The following ARID2 variants were observed in gnomAD, a reference collection of about 807,000 sequenced individuals.
The protein encoded by ARID2 is AT-rich interactive domain-containing protein 2.
In ARID2, 32 loss-of-function variants were observed where a neutral mutation model predicts 184.6. The observed-to-expected ratio is 0.17, with a 90% CI of 0.13 to 0.23. The LOEUF is 0.23. Among genes scored for constraint, ARID2 ranks in the 10% least tolerant of loss-of-function variants. The pLI, the probability that ARID2 is intolerant of heterozygous loss-of-function variation, is 1.00. For synonymous variants in ARID2, 836 were observed against 772.6 expected, an observed-to-expected ratio of 1.08 and a Z score of -1.36; for missense variants, 1,696 against 2,197.6, an observed-to-expected ratio of 0.77 and a Z score of 4.56.
intron 10 of ARID2, among the ~76,000 whole-genome samples, chr12:45,837,929 G>A (rs931012730): frequency 6.6e-6 from 1 of 152,028 alleles, no homozygotes; most frequent in African/African-American, 2.4e-5. Flanking sequence ...ACATTGTCTT[G>A]TTTATTTTTT....
Position 45,849,722 on chromosome 12 carries a change from T to A in ARID2, c.1858T>A (p.Ser620Thr), listed in dbSNP as rs766726060. ...MYYQQQPVST[S>T]VVRVDSVPDV... ...CTATCAGCAGCAACCAGTTTCTACT[T>A]CTGTTGTTCGTGTTGATTCTGTTCC... Residue 620 changes from serine to threonine, a missense_variant, in exon 14 of 21, where the codon TCT (serine) becomes ACT (threonine). Ser to Thr is a moderately conservative substitution (Grantham distance 58). Transcript: ENST00000334344. 25 of 1,613,810 alleles carry A rather than the reference T, an allele frequency of 1.5e-5. No individual in the cohort carries two copies. The highest frequency in any genetic ancestry group is 1.6e-5 in the Non-Finnish European group (19 of 1,179,790).
At chr12:45,812,316 TTACAGGTTATCCTTAGATTTA>T (rs1942724752) in intron 4 of ARID2, among the ~76,000 whole-genome samples, 1 of 152,100 alleles carries the variant, frequency 6.6e-6, no homozygotes. Flanking sequence ...TTCTGTACTC[TTACAGGTTATCCTTAGATTTA>T]TACTGTCTCA....
intron 16 of ARID2, among the ~76,000 whole-genome samples, chr12:45,876,564 A>T (rs1401828255): frequency 7.4e-6 from 1 of 135,366 alleles, no homozygotes; most frequent in African/African-American, 2.7e-5. Context: ...AAAAAGAAAA[A>T]AAAGGAAAAA....
chr12:45,797,132 A>G (rs1052084708), intron 3 of ARID2, among the ~76,000 whole-genome samples: 16 of 152,218 alleles, frequency 1.1e-4, no homozygotes, highest in Non-Finnish European at 1.3e-4. Context: ...AAGTAATTTA[A>G]TATACATACA....
At chr12:45,877,323 T>C (rs1325912580) in intron 16 of ARID2, among the ~76,000 whole-genome samples, 2 of 151,948 alleles carry the variant, frequency 1.3e-5, no homozygotes, top group Admixed American at 6.6e-5. Flanking sequence ...AGTGGCGGCA[T>C]TGGATTCTCA....
At chr12:45,834,588 C>T (rs983340100) in intron 6 of ARID2, among the ~76,000 whole-genome samples, 7 of 152,072 alleles carry the variant, frequency 4.6e-5, no homozygotes, top group African/African-American at 1.7e-4. Flanking sequence ...CCTAAAAGTA[C>T]AAAAATTAGT....
At chr12:45,902,049 TCTTAGAAG>T (rs1484213797) in intron 20 of ARID2, among the ~76,000 whole-genome samples, 1 of 152,242 alleles carries the variant, frequency 6.6e-6, no homozygotes, top group Non-Finnish European at 1.5e-5. Context: ...AAACTTGTTT[TCTTAGAAG>T]CTGATTTGTA....
chr12:45,811,330 T>C (rs1942704146), intron 3 of ARID2, 88 bp from the exon 4 acceptor site: 1 of 1,362,706 alleles, frequency 7.3e-7, no homozygotes, highest in Non-Finnish European at 9.8e-7. Flanking sequence ...GATTATTGTT[T>C]AGAAAAGGAA....
intron 20 of ARID2, among the ~76,000 whole-genome samples, chr12:45,897,932 C>T (rs926024129): frequency 1.1e-4 from 17 of 151,846 alleles, no homozygotes; most frequent in African/African-American, 4.1e-4. Context: ...GCAGTCTTGA[C>T]CTCTCCAGGC....
intron 3 of ARID2, among the ~76,000 whole-genome samples, chr12:45,764,680 C>T (rs1250674442): frequency 6.6e-6 from 1 of 152,180 alleles, no homozygotes; most frequent in Non-Finnish European, 1.5e-5. Flanking sequence ...TACATAGTGC[C>T]TCTATCAGAA....
Position 45,855,429 on chromosome 12 carries a change from C to T in ARID2, c.4773+2533C>T, listed in dbSNP as rs991009184. Among the ~76,000 whole-genome samples, 7 of 152,066 alleles carry T rather than the reference C, an allele frequency of 4.6e-5. No homozygotes were observed. The East Asian group carries it at 7.7e-4, about 17-fold the overall frequency. ...ACTTTGCAAGGAAAAAGAGATGTAG[C>T]GTACATGATGTCTATGAGAATGAGA... On this transcript the variant is annotated intron_variant, in intron 15 of 20. Transcript: ENST00000334344.
In ARID2 at chr12:45,852,249, A is replaced by C. The variant is rs1293467487; in HGVS notation, c.4126A>C (p.Ile1376Leu). 1 of 1,614,022 alleles carries C rather than the reference A, an allele frequency of 6.2e-7. No homozygotes were observed. Among genetic ancestry groups the C allele is most frequent in the Non-Finnish European group, 8.5e-7 (1 of 1,180,020 alleles). The change falls in exon 15 of 21, where the codon ATT (isoleucine) becomes CTT (leucine). Residue 1376 changes from isoleucine to leucine, a missense_variant. Ile to Leu is a conservative substitution (Grantham distance 5, BLOSUM62 2). Transcript: ENST00000334344. ...KGDGSHLSKN[I>L]PNHKTSNHVG... is the part of the protein sequence containing the mutation. ...AGATGGTTCTCATTTAAGCAAAAAC[A>C]TTCCAAATCATAAAACTTCCAATCA...
At chr12:45,867,966 C>G (rs1943858393) in intron 16 of ARID2, among the ~76,000 whole-genome samples, 1 of 152,082 alleles carries the variant, frequency 6.6e-6, no homozygotes, top group Non-Finnish European at 1.5e-5. Context: ...TTTTATTGCC[C>G]TAAAAATCTT....
intron 3 of ARID2, among the ~76,000 whole-genome samples, chr12:45,798,671 T>C (rs920201045): frequency 2.6e-5 from 4 of 152,190 alleles, no homozygotes; most frequent in African/African-American, 4.8e-5. Flanking sequence ...AATACAGTTA[T>C]CATTTTTGGT....
intron 6 of ARID2, among the ~76,000 whole-genome samples, chr12:45,835,267 A>G (rs1943198004): frequency 1.3e-5 from 2 of 152,110 alleles, no homozygotes; most frequent in Non-Finnish European, 2.9e-5. Context: ...TGAACTTACT[A>G]TTCATTGTCA....
chr12:45,781,218 C>CT (rs1387532984), intron 3 of ARID2, among the ~76,000 whole-genome samples: 1 of 149,700 alleles, frequency 6.7e-6, no homozygotes, highest in Non-Finnish European at 1.5e-5. Flanking sequence ...AGCTAAGAGT[C>CT]TGTCACTGTC....
At chr12:45,836,241 A>T (rs575384082) in intron 6 of ARID2, among the ~76,000 whole-genome samples, 1 of 152,026 alleles carries the variant, frequency 6.6e-6, no homozygotes. Flanking sequence ...ATGGGGTCTC[A>T]CTCTTCCGCC....
At chr12:45,788,384 A>G (rs1942234607) in intron 3 of ARID2, among the ~76,000 whole-genome samples, 1 of 152,186 alleles carries the variant, frequency 6.6e-6, no homozygotes, top group South Asian at 2.1e-4. Flanking sequence ...TAGCTGATAA[A>G]TGGCAGCATT....
rs980039194 is a variant in ARID2 at position 45,891,674 on chromosome 12, A to C, written c.4923-106A>C. 3.3e-6 allele frequency: 4 copies of C among 1,228,384 alleles called. No individual in the cohort carries two copies. The African/African-American group carries it at 6.1e-5, about 19-fold the overall frequency. The allele number at this position is 1,228,384 out of a possible 1,614,324, so 76.1% of individuals were successfully genotyped here. ...TTAAAACAATTTACCAAAAGTGTTC[A>C]GTACAACTGATGATTCCACTTGGAA... On this transcript the variant is annotated intron_variant, in intron 16 of 20. Coordinates refer to ENST00000334344, the MANE Select transcript of ARID2 (RefSeq NM_152641.4).
Sources: allele counts gnomAD v4.1 joint callset (sites outside exome capture counted in the v4.1 genomes callset), GRCh38; gene constraint gnomAD v4.1.1; transcripts MANE v1.5; gene names NCBI Gene and HGNC (gene_info 2026-07-23, HGNC 2026-07-21).